The following LIPA variants were observed in gnomAD, a reference collection of about 807,000 sequenced individuals.
The protein encoded by LIPA is lipase A, lysosomal acid type.
Under a neutral mutation model 40.6 loss-of-function variants are expected in LIPA, and 26 were observed. That is an observed-to-expected ratio of 0.64 (90% confidence interval 0.47 to 0.89). The LOEUF is 0.89. LIPA is among the 40% of genes least tolerant of loss of function. The pLI, the probability that LIPA is intolerant of heterozygous loss-of-function variation, is 0.00. For synonymous variants in LIPA, 188 were observed against 168.4 expected, an observed-to-expected ratio of 1.12 and a Z score of -0.90; for missense variants, 455 against 479.6, an observed-to-expected ratio of 0.95 and a Z score of 0.48.
intron 2 of LIPA, among the ~76,000 whole-genome samples, chr10:89,386,720 T>A (rs1844212488): frequency 1.3e-5 from 2 of 152,238 alleles, no homozygotes; most frequent in Non-Finnish European, 2.9e-5. Context: ...TACTGGTTAC[T>A]CTTGGCAAAA....
intron 1 of LIPA, among the ~76,000 whole-genome samples, chr10:89,266,558 G>C (rs1480512322): frequency 6.6e-6 from 1 of 152,188 alleles, no homozygotes; most frequent in Non-Finnish European, 1.5e-5. Context: ...TCCCGTGCCT[G>C]AAATATTATG....
At chr10:89,265,731 G>A (rs546462098) in intron 1 of LIPA, among the ~76,000 whole-genome samples, 50 of 152,204 alleles carry the variant, frequency 3.3e-4, no homozygotes, top group African/African-American at 1.2e-3. Flanking sequence ...ATTTTCCATT[G>A]GCTCCTCCTA....
exon 2 of LIPA, chr10:89,412,893 A>G (rs1210832167): frequency 1.1e-5 from 3 of 264,240 alleles, no homozygotes; most frequent in African/African-American, 4.6e-5. Context: ...CCGCAGCTTC[A>G]TTCTTGAAGT....
intron 2 of LIPA, among the ~76,000 whole-genome samples, chr10:89,367,211 T>C (rs1029229673): frequency 2.0e-5 from 3 of 151,536 alleles, no homozygotes; most frequent in Non-Finnish European, 4.4e-5. Context: ...CATTAGGAGA[T>C]ATACCTAATG....
chr10:89,402,890 C>T, intron 2 of LIPA: 1 of 1,614,188 alleles, frequency 6.2e-7, no homozygotes, highest in Non-Finnish European at 8.5e-7. Context: ...CTTTGCTTCC[C>T]CTAAGGCAGG....
intron 1 of LIPA, among the ~76,000 whole-genome samples, chr10:89,320,462 T>C (rs1843565139): frequency 6.6e-6 from 1 of 152,146 alleles, no homozygotes; most frequent in East Asian, 1.9e-4. Context: ...TGAACTCCCA[T>C]TCACAATTGC....
intron 1 of LIPA, among the ~76,000 whole-genome samples, chr10:89,311,026 T>C (rs1425806385): frequency 6.6e-6 from 1 of 152,210 alleles, no homozygotes; most frequent in African/African-American, 2.4e-5. Context: ...TATACAGATA[T>C]AATCTAATTA....
chr10:89,355,569 T>C (rs929474300), intron 2 of LIPA, among the ~76,000 whole-genome samples: 2 of 152,182 alleles, frequency 1.3e-5, no homozygotes, highest in African/African-American at 4.8e-5. Context: ...GAATAGGGGC[T>C]GGGTGAAATA....
chr10:89,213,795 T>G lies in LIPA; in HGVS notation c.*1033A>C, dbSNP rs1308141985. The G allele has an allele frequency of 6.6e-6, 1 of 152,146 alleles. No individual in the cohort carries two copies. Among genetic ancestry groups the G allele is most frequent in the Non-Finnish European group, 1.5e-5 (1 of 68,022 alleles). 9.4% of individuals were successfully genotyped at this position (152,146 alleles called of 1,614,324 possible). On this transcript the variant is annotated 3_prime_UTR_variant, in exon 10 of 10. Transcript: ENST00000336233. The stretch of plus-strand genomic sequence containing the variant: ...GCAGACAAATATGGACTTCCCAACA[T>G]AGGGACGTGAAGCAGGTGTATTAAA...
intron 1 of LIPA, among the ~76,000 whole-genome samples, chr10:89,258,826 T>G (rs1478291606): frequency 6.6e-6 from 1 of 152,224 alleles, no homozygotes; most frequent in Non-Finnish European, 1.5e-5. Flanking sequence ...GATGAAGACA[T>G]GAATAAATAA....
chr10:89,351,230 G>C lies in LIPA; in HGVS notation c.61+61561C>G, dbSNP rs557912659. Among the ~76,000 whole-genome samples, 33 of 152,252 alleles carry C rather than the reference G, an allele frequency of 2.2e-4. No homozygotes were observed. In the South Asian group the frequency reaches 6.6e-3, roughly 31 times the overall value. On this transcript the variant is annotated intron_variant, in intron 2 of 8. Coordinates refer to the LIPA transcript ENST00000371837. ...ACTCAGGAGGCTGAGGTAGGAAGACGGCTTGAGCCCAGGAGGTTGAGGCTA... is the reference window on the plus strand; with the variant it reads ...ACTCAGGAGGCTGAGGTAGGAAGACCGCTTGAGCCCAGGAGGTTGAGGCTA...
At chr10:89,252,754 G>A (rs7905685), upstream of LIPA, among the ~76,000 whole-genome samples, 1,560 of 150,300 alleles carry the variant, frequency 0.01, 25 homozygotes, top group African/African-American at 0.035. Flanking sequence ...TGCAGTGAGC[G>A]GAGATCATGC....
At chr10:89,376,588 G>C (rs1844123685) in intron 2 of LIPA, among the ~76,000 whole-genome samples, 1 of 152,170 alleles carries the variant, frequency 6.6e-6, no homozygotes, top group Non-Finnish European at 1.5e-5. Flanking sequence ...CTGTGACCAT[G>C]ATGGGTCAAG....
Position 89,403,453 on chromosome 10 carries a change from A to T in LIPA, c.61+9338T>A, listed in dbSNP as rs139524521. ...GGTCGGTTTCAGGAATTTCAAAAGA[A>T]ATCTGACGTCAATGCAATTATCCAT... On this transcript the variant is annotated intron_variant, in intron 2 of 8. Coordinates refer to the LIPA transcript ENST00000371837. The T allele has an allele frequency of 3.7e-6, 6 of 1,613,694 alleles. No homozygotes were observed. In the African/African-American group the frequency reaches 5.3e-5, roughly 14 times the overall value.
intron 3 of LIPA, among the ~76,000 whole-genome samples, chr10:89,235,663 C>T (rs766354451): frequency 4.6e-5 from 7 of 152,190 alleles, no homozygotes; most frequent in African/African-American, 7.2e-5. Context: ...GACAGGACTC[C>T]GTCACACTCC....
chr10:89,300,852 T>G (rs1261192169), intron 1 of LIPA, among the ~76,000 whole-genome samples: 1 of 152,100 alleles, frequency 6.6e-6, no homozygotes, highest in Non-Finnish European at 1.5e-5. Flanking sequence ...CCGGGCGTGG[T>G]GGTGCGTGCC....
upstream of LIPA, among the ~76,000 whole-genome samples, chr10:89,252,753 C>T (rs139675373): frequency 4.9e-3 from 687 of 140,272 alleles, 2 homozygotes; most frequent in Non-Finnish European, 7.5e-3. Flanking sequence ...TTGCAGTGAG[C>T]GGAGATCATG....
intron 1 of LIPA, among the ~76,000 whole-genome samples, chr10:89,272,004 A>C (rs1432208316): frequency 6.6e-6 from 1 of 152,058 alleles, no homozygotes; most frequent in African/African-American, 2.4e-5. Context: ...TGGTAGGCTG[A>C]GGCTGCAGTG....
intron 3 of LIPA, among the ~76,000 whole-genome samples, chr10:89,239,673 A>G (rs144670955): frequency 1.2e-4 from 18 of 152,232 alleles, no homozygotes; most frequent in African/African-American, 4.1e-4. Flanking sequence ...TCACCAGGCA[A>G]CACGAAGGCA....
Sources: allele counts gnomAD v4.1 joint callset (sites outside exome capture counted in the v4.1 genomes callset), GRCh38; gene constraint gnomAD v4.1.1; transcripts MANE v1.5; gene names NCBI Gene and HGNC (gene_info 2026-07-23, HGNC 2026-07-21).